The following TM9SF3 variants were observed in gnomAD, a reference collection of about 807,000 sequenced individuals.
TM9SF3 encodes transmembrane 9 superfamily member 3.
Under a neutral mutation model 78.6 loss-of-function variants are expected in TM9SF3, and 14 were observed. That is an observed-to-expected ratio of 0.18 (90% CI 0.12 to 0.28). TM9SF3 has a LOEUF of 0.28. Among genes scored for constraint, TM9SF3 ranks in the 10% least tolerant of loss-of-function variants. TM9SF3 has a pLI of 1.00. For missense variants in TM9SF3, 496 were observed against 721.9 expected, an observed-to-expected ratio of 0.69 and a Z score of 3.59; for synonymous variants, 231 against 241.7, an observed-to-expected ratio of 0.96 and a Z score of 0.41.
chr10:96,532,666 C>A (rs949871080), intron 10 of TM9SF3, among the ~76,000 whole-genome samples: 1 of 152,144 alleles, frequency 6.6e-6, no homozygotes, highest in Non-Finnish European at 1.5e-5. Flanking sequence ...TGATGCTGTA[C>A]TATAAAAGCA....
At chr10:96,527,684 C>T (rs1366609506) in intron 12 of TM9SF3, 188 bp from the exon 13 acceptor site, 2 of 557,448 alleles carry the variant, frequency 3.6e-6, no homozygotes, top group Non-Finnish European at 6.1e-6. Flanking sequence ...AAAGCTCAAT[C>T]TTGAATTTTG....
At chr10:96,566,684 A>AAAAC (rs764394650) in intron 2 of TM9SF3, among the ~76,000 whole-genome samples, 2 of 152,196 alleles carry the variant, frequency 1.3e-5, no homozygotes, top group African/African-American at 2.4e-5. Context: ...CATGATGGCA[A>AAAAC]AAACAAACAA....
At chr10:96,527,176 G>T in intron 14 of TM9SF3, 37 bp downstream of exon 14, 2 of 1,550,762 alleles carry the variant, frequency 1.3e-6, no homozygotes, top group South Asian at 2.3e-5. Context: ...GAGAAACTCA[G>T]ATTTACTCAT....
At chr10:96,537,631 G>C (rs925005208) in intron 9 of TM9SF3, among the ~76,000 whole-genome samples, 1 of 152,166 alleles carries the variant, frequency 6.6e-6, no homozygotes, top group Non-Finnish European at 1.5e-5. Context: ...TCAGGAGTTC[G>C]AGGCAAGCCT....
chr10:96,570,460 A>G (rs1341511394), intron 2 of TM9SF3, among the ~76,000 whole-genome samples: 1 of 152,228 alleles, frequency 6.6e-6, no homozygotes, highest in African/African-American at 2.4e-5. Flanking sequence ...TTAAAAAACA[A>G]AAAAGAGATG....
At chr10:96,530,395 T>C in intron 11 of TM9SF3, 145 bp downstream of exon 11, 1 of 637,546 alleles carries the variant, frequency 1.6e-6, no homozygotes, top group South Asian at 2.3e-5. Flanking sequence ...CAGCTACCTT[T>C]ATATAGCCTA....
chr10:96,561,923 T>C, intron 4 of TM9SF3, 55 bp downstream of exon 4: 1 of 1,458,758 alleles, frequency 6.9e-7, no homozygotes, highest in Non-Finnish European at 9.3e-7. Flanking sequence ...AGCCACAAAT[T>C]GTTGACATCG....
chr10:96,555,179 T>C (rs1384793670), intron 5 of TM9SF3, among the ~76,000 whole-genome samples: 3 of 152,176 alleles, frequency 2.0e-5, no homozygotes, highest in African/African-American at 7.2e-5. Flanking sequence ...AACTATTTTC[T>C]CCAATATTCT....
chr10:96,556,391 A>T (rs566834880), intron 5 of TM9SF3, among the ~76,000 whole-genome samples: 52 of 152,232 alleles, frequency 3.4e-4, no homozygotes, highest in Non-Finnish European at 7.5e-4. Flanking sequence ...TTCACTATTA[A>T]GGGAACAGAA....
In TM9SF3 at chr10:96,556,655, T is replaced by TA. The variant is rs988626811; in HGVS notation, c.660+3003dup. 6.0e-5 allele frequency among the ~76,000 whole-genome samples: 9 copies of TA among 149,098 alleles called. No individual in the cohort carries two copies. In the South Asian group the frequency reaches 8.5e-4, roughly 14 times the overall value. ...ATAAAGTTAATGTTTTTCTTACATT[T>TA]AAAAAAAAAAGAAAGAAAAATCTCC... On this transcript the variant is annotated intron_variant, in intron 5 of 14. Transcript: ENST00000371142.
In TM9SF3 at chr10:96,544,187, C is replaced by G. The variant is rs1234781868; in HGVS notation, c.1074G>C (p.Gln358His). The change falls in exon 9 of 15, where the codon CAG (glutamine) becomes CAC (histidine). Residue 358 changes from glutamine (Q) to histidine (H), a missense_variant. Transcript: ENST00000371142. ...ARQGGRRWIK[Q>H]MFIGAFLIPA... Reference sequence around the variant, plus strand: ...GGATAAGGAATGCCCCAATAAACATCTGCTTTATCCATCTCCTTCCTGAAA... The same window carrying G: ...GGATAAGGAATGCCCCAATAAACATGTGCTTTATCCATCTCCTTCCTGAAA... The G allele has an allele frequency of 6.3e-7, 1 of 1,598,280 alleles. No individual in the cohort carries two copies. The highest frequency in any genetic ancestry group is 8.5e-7 in the Non-Finnish European group (1 of 1,173,818).
chr10:96,550,166 C>A (rs1348176658), intron 7 of TM9SF3, among the ~76,000 whole-genome samples: 4 of 152,152 alleles, frequency 2.6e-5, no homozygotes, highest in African/African-American at 9.7e-5. Context: ...ACAACCAATG[C>A]TACAGAGAAA....
In TM9SF3 at chr10:96,522,389, TA is replaced by T. The variant is rs970702502; in HGVS notation, c.1703-60del. ...TACATACAGAGCAGTATCCATCATT[TA>T]AAAACACTAAATACTCTATGCTCTG... On this transcript the variant is annotated intron_variant, in intron 14 of 14. Coordinates refer to ENST00000371142, the MANE Select transcript of TM9SF3 (RefSeq NM_020123.4). 77 of 1,283,954 alleles carry T rather than the reference TA, an allele frequency of 6.0e-5. No individual in the cohort carries two copies. In the African/African-American group the frequency reaches 9.6e-4, roughly 16 times the overall value. 79.5% of individuals were successfully genotyped at this position (1,283,954 alleles called of 1,614,324 possible).
intron 7 of TM9SF3, among the ~76,000 whole-genome samples, 196 bp from the exon 8 acceptor site, chr10:96,548,185 T>C (rs761036228): frequency 6.6e-6 from 1 of 152,222 alleles, no homozygotes; most frequent in Non-Finnish European, 1.5e-5. Context: ...ATTTACATGA[T>C]ACCTGGCTGA....
At chr10:96,571,460 C>A (rs1848435896) in intron 2 of TM9SF3, among the ~76,000 whole-genome samples, 1 of 152,108 alleles carries the variant, frequency 6.6e-6, no homozygotes, top group African/African-American at 2.4e-5. Context: ...TGGGGGATTA[C>A]CTGAAGTAAA....
intron 11 of TM9SF3, 65 bp downstream of exon 11, chr10:96,530,475 C>A: frequency 7.5e-7 from 1 of 1,327,746 alleles, no homozygotes; most frequent in East Asian, 2.5e-5. Context: ...TACATGTTCC[C>A]TAACTCCTAA....
intron 2 of TM9SF3, among the ~76,000 whole-genome samples, chr10:96,574,763 A>G (rs565620700): frequency 6.6e-6 from 1 of 152,312 alleles, no homozygotes; most frequent in Non-Finnish European, 1.5e-5. Flanking sequence ...ATGAGTTAAC[A>G]TTCTTTGCAG....
At chr10:96,579,531 C>T (rs1341482081) in intron 1 of TM9SF3, among the ~76,000 whole-genome samples, 1 of 152,176 alleles carries the variant, frequency 6.6e-6, no homozygotes, top group African/African-American at 2.4e-5. Context: ...TGTTAAACCA[C>T]ATATTCCGAA....
At chr10:96,585,900 T>C (rs1310725986) in intron 1 of TM9SF3, among the ~76,000 whole-genome samples, 2 of 152,216 alleles carry the variant, frequency 1.3e-5, no homozygotes, top group African/African-American at 4.8e-5. Context: ...TGAAAGCCAT[T>C]TGAAGAGTCG....
Sources: gnomAD v4.1 joint callset for allele counts (sites outside exome capture counted in the v4.1 genomes callset) on GRCh38, gnomAD v4.1.1 for gene constraint, MANE v1.5 for transcripts, NCBI Gene and HGNC (gene_info 2026-07-23, HGNC 2026-07-21) for gene names.